Variants in THSD4 observed in about 807,000 individuals in gnomAD.
THSD4 encodes the protein thrombospondin type-1 domain-containing protein 4.
A neutral mutation model predicts 119.0 loss-of-function variants in THSD4; 69 were observed. That is an observed-to-expected ratio of 0.58 (90% CI 0.48 to 0.71). The LOEUF (loss-of-function observed/expected upper bound fraction) is 0.71, where lower values mean the gene tolerates loss of function less well. Among genes scored for constraint, THSD4 ranks in the 30% least tolerant of loss-of-function variants. The pLI is 0.00. For missense variants in THSD4, 1,393 were observed against 1,391.1 expected (o/e 1.00, Z -0.02); for synonymous variants, 524 against 540.4 (o/e 0.97, Z 0.42).
chr15:71,275,774 C>G (rs1044648432), intron 6 of THSD4, among the ~76,000 whole-genome samples: 1 of 152,134 alleles, frequency 6.6e-6, no homozygotes, highest in African/African-American at 2.4e-5. Flanking sequence ...TTAGTTCTCA[C>G]GGGATCTGTT....
chr15:71,592,688 C>T (rs566985871), intron 7 of THSD4, among the ~76,000 whole-genome samples: 1 of 152,090 alleles, frequency 6.6e-6, no homozygotes, highest in East Asian at 2.0e-4. Context: ...TGGGAAAACA[C>T]GTTCATAGTT....
chr15:71,428,031 A>G (rs1226501699), intron 7 of THSD4, among the ~76,000 whole-genome samples: 2 of 152,144 alleles, frequency 1.3e-5, no homozygotes, highest in Non-Finnish European at 2.9e-5. Flanking sequence ...TGAAGTGTTC[A>G]GTCTAAATTG....
chr15:71,654,961 A>C (rs2051160591), intron 7 of THSD4, among the ~76,000 whole-genome samples: 1 of 152,170 alleles, frequency 6.6e-6, no homozygotes. Flanking sequence ...TCCCTGTGAA[A>C]TTCACCTCCA....
At chr15:71,348,305 T>A (rs567055564) in intron 6 of THSD4, 6 of 152,370 alleles carry the variant, frequency 3.9e-5, no homozygotes, top group African/African-American at 1.4e-4. Context: ...TCTGATTCAG[T>A]AGGTCCACAT....
intron 8 of THSD4, among the ~76,000 whole-genome samples, chr15:71,697,088 AG>A (rs934128161): frequency 5.9e-5 from 9 of 152,206 alleles, no homozygotes; most frequent in African/African-American, 1.9e-4. Context: ...ACGGTGAAGG[AG>A]CAAAAGGGGA....
intron 7 of THSD4, among the ~76,000 whole-genome samples, chr15:71,577,496 A>G (rs1354745726): frequency 6.6e-6 from 1 of 152,216 alleles, no homozygotes; most frequent in African/African-American, 2.4e-5. Flanking sequence ...CAGTTTTCAG[A>G]TTCACAGAGG....
At chr15:71,419,729 G>T (rs2046790052) in intron 7 of THSD4, among the ~76,000 whole-genome samples, 1 of 107,392 alleles carries the variant, frequency 9.3e-6, no homozygotes, top group African/African-American at 3.2e-5. Flanking sequence ...TTTCTTCATT[G>T]ACCCACTAAT....
intron 1 of THSD4, among the ~76,000 whole-genome samples, chr15:71,128,202 A>G (rs2141358912): frequency 6.6e-6 from 1 of 151,394 alleles, no homozygotes; most frequent in South Asian, 2.1e-4. Context: ...CAACAGATAT[A>G]AAAATAGACT....
intron 1 of THSD4, among the ~76,000 whole-genome samples, chr15:71,140,742 G>A (rs1027590299): frequency 3.9e-5 from 6 of 151,994 alleles, no homozygotes; most frequent in South Asian, 4.1e-4. Flanking sequence ...TCACAATTTC[G>A]TGTACAATTC....
chr15:71,576,894 G>C (rs2049457380), intron 7 of THSD4, among the ~76,000 whole-genome samples: 1 of 151,948 alleles, frequency 6.6e-6, no homozygotes, highest in South Asian at 2.1e-4. Context: ...TATCTTTTCT[G>C]TTTCCTGGTT....
At chr15:71,368,867 A>G (rs1354106546) in intron 6 of THSD4, among the ~76,000 whole-genome samples, 1 of 152,166 alleles carries the variant, frequency 6.6e-6, no homozygotes, top group Admixed American at 6.5e-5. Context: ...TCTATAAATT[A>G]CCTTGGGCAG....
intron 7 of THSD4, among the ~76,000 whole-genome samples, chr15:71,442,579 A>AAAAAAAAATATATAT (rs1195413080): frequency 7.5e-5 from 3 of 39,860 alleles, no homozygotes; most frequent in African/African-American, 2.2e-4. Context: ...AAAAAAAAAA[A>AAAAAAAAATATATAT]ATATATATAT....
At chr15:71,489,872 A>C (rs918120621) in intron 7 of THSD4, among the ~76,000 whole-genome samples, 26 of 152,200 alleles carry the variant, frequency 1.7e-4, no homozygotes, top group Admixed American at 1.1e-3. Context: ...CATTATAGAA[A>C]ATTTGGATCC....
At chr15:71,121,667 G>A (rs2040410326) in intron 1 of THSD4, among the ~76,000 whole-genome samples, 1 of 152,120 alleles carries the variant, frequency 6.6e-6, no homozygotes, top group South Asian at 2.1e-4. Flanking sequence ...GACATCTGTT[G>A]GGTCCTCCAG....
intron 3 of THSD4, among the ~76,000 whole-genome samples, chr15:71,174,704 G>T (rs1455598427): frequency 6.8e-6 from 1 of 147,652 alleles, no homozygotes; most frequent in Non-Finnish European, 1.5e-5. Flanking sequence ...CAAACAAAAA[G>T]ACAGCAGTAA....
chr15:71,422,509 G>A (rs779660076), intron 7 of THSD4, among the ~76,000 whole-genome samples: 1 of 152,188 alleles, frequency 6.6e-6, no homozygotes, highest in Non-Finnish European at 1.5e-5. Flanking sequence ...GGTAGAGACT[G>A]TTGTTGTCTC....
At chr15:71,357,465 C>T (rs2045833153) in intron 6 of THSD4, among the ~76,000 whole-genome samples, 1 of 152,202 alleles carries the variant, frequency 6.6e-6, no homozygotes, top group South Asian at 2.1e-4. Flanking sequence ...TCCCTGCAGA[C>T]TGGCTTCTCT....
chr15:71,112,058 G>T, upstream of THSD4: 5 of 1,585,316 alleles, frequency 3.2e-6, no homozygotes, highest in African/African-American at 1.3e-5. Context: ...TTCACACGTT[G>T]CTCTTATTCC....
intron 6 of THSD4, among the ~76,000 whole-genome samples, chr15:71,401,323 G>A (rs1300395708): frequency 6.6e-6 from 1 of 152,086 alleles, no homozygotes; most frequent in African/African-American, 2.4e-5. Context: ...ATTAATAACT[G>A]CACAGAAGGA....
Sources: gnomAD v4.1 joint callset for allele counts (sites outside exome capture counted in the v4.1 genomes callset) on GRCh38, gnomAD v4.1.1 for gene constraint, MANE v1.5 for transcripts, NCBI Gene and HGNC (gene_info 2026-07-23, HGNC 2026-07-21) for gene names.